The following ATL3 variants were observed in gnomAD, a reference collection of about 807,000 sequenced individuals.
The protein encoded by ATL3 is atlastin-3.
A neutral mutation model predicts 69.5 loss-of-function variants in ATL3; 49 were observed. The observed-to-expected ratio is 0.71, with a 90% CI of 0.56 to 0.89. The LOEUF (loss-of-function observed/expected upper bound fraction) is 0.89, where lower values mean the gene tolerates loss of function less well. Ranked by LOEUF, ATL3 falls within the 40% of genes least tolerant of loss-of-function variation. ATL3 has a pLI of 0.00. For missense variants in ATL3, 606 were observed against 645.7 expected, an observed-to-expected ratio of 0.94 and a Z score of 0.67; for synonymous variants, 214 against 224.1, an observed-to-expected ratio of 0.95 and a Z score of 0.40.
chr11:63,634,040 A>C (rs1485418605), intron 10 of ATL3, among the ~76,000 whole-genome samples: 5 of 111,848 alleles, frequency 4.5e-5, no homozygotes, highest in African/African-American at 1.6e-4. Flanking sequence ...GTCTCAAACA[A>C]AAAAAAAAAA....
intron 10 of ATL3, among the ~76,000 whole-genome samples, chr11:63,634,881 G>C (rs1414123108): frequency 6.6e-6 from 1 of 152,018 alleles, no homozygotes; most frequent in Non-Finnish European, 1.5e-5. Context: ...AAAAATTATA[G>C]CCAGGCATGG....
chr11:63,659,122 A>T lies in ATL3; in HGVS notation c.177T>A (p.Asp59Glu). The T allele has an allele frequency of 6.2e-7, 1 of 1,614,078 alleles. No homozygotes were observed. Among genetic ancestry groups the T allele is most frequent in the Non-Finnish European group, 8.5e-7 (1 of 1,180,028 alleles). ...ILLQDHIRDL[D>E]VVVVSVAGAF... ...CACCAGCCACTGAAACCACCACCAC[A>T]TCAAGATCTCGGATGTGGTCCTGCA... is the stretch of plus-strand genomic sequence containing the variant. The change falls in exon 2 of 13, where the codon GAT (aspartate) becomes GAA (glutamate). Residue 59 changes from aspartate (D) to glutamate (E), a missense_variant. Coordinates refer to ENST00000398868, the MANE Select transcript of ATL3 (RefSeq NM_015459.5).
rs762166626 is a variant in ATL3 at position 63,628,187 on chromosome 11, CTT to C, written c.*1130_*1131del. ...CTGACCAAGGCACAAGTTCAAGTGA[CTT>C]ATCAGAGGTCACATGGTTCATTTAA... On this transcript the variant is annotated 3_prime_UTR_variant, in exon 13 of 13. Transcript: ENST00000398868. The C allele has an allele frequency of 3.3e-4, 50 of 152,282 alleles. No individual in the cohort carries two copies. The highest frequency in any genetic ancestry group is 1.7e-3 in the East Asian group (9 of 5,188). The allele number at this position is 152,282 out of a possible 1,614,324, so 9.4% of individuals were successfully genotyped here.
At chr11:63,633,952 T>C (rs916917229) in intron 10 of ATL3, among the ~76,000 whole-genome samples, 4 of 147,278 alleles carry the variant, frequency 2.7e-5, no homozygotes, top group African/African-American at 1.0e-4. Context: ...GGAGAACTAC[T>C]TGAACCCAGG....
intron 8 of ATL3, chr11:63,637,870 C>A (rs1288735579): frequency 2.0e-5 from 3 of 152,106 alleles, no homozygotes; most frequent in Admixed American, 1.3e-4. Context: ...TAAAAGTATA[C>A]ATAACAGGCC....
chr11:63,671,660 C>T (rs1940792531), upstream of ATL3: 1 of 1,386,938 alleles, frequency 7.2e-7, no homozygotes, highest in Non-Finnish European at 9.5e-7. Context: ...CTGAGTGCTA[C>T]CGTCCTTTGG....
chr11:63,648,327 C>T (rs1052620816), intron 5 of ATL3, among the ~76,000 whole-genome samples: 1 of 152,160 alleles, frequency 6.6e-6, no homozygotes, highest in Non-Finnish European at 1.5e-5. Flanking sequence ...AAACTAACAA[C>T]CCAAGAATAA....
intron 8 of ATL3, among the ~76,000 whole-genome samples, chr11:63,641,669 C>T (rs896609601): frequency 6.6e-6 from 1 of 152,130 alleles, no homozygotes; most frequent in African/African-American, 2.4e-5. Flanking sequence ...GGACTTCTGG[C>T]TCCCTGACTT....
At position 63,627,944 on chromosome 11, in the gene ATL3, T is replaced by G. The variant is rs1277548481; in HGVS notation, c.*1375A>C. 6.6e-6 allele frequency: 1 copy of G among 152,222 alleles called. No individual in the cohort carries two copies. Among genetic ancestry groups the G allele is most frequent in the Non-Finnish European group, 1.5e-5 (1 of 68,030 alleles). 9.4% of individuals were successfully genotyped at this position (152,222 alleles called of 1,614,324 possible). On this transcript the variant is annotated 3_prime_UTR_variant, in exon 13 of 13. Coordinates refer to ENST00000398868, the MANE Select transcript of ATL3 (RefSeq NM_015459.5). ...TAAGAACATTAGACACGGCAGAGAA[T>G]GCAAATTAACATTCTGAATAAAGAC...
Position 63,629,200 on chromosome 11 carries a change from A to C in ATL3, c.*119T>G, listed in dbSNP as rs752914859. 8 of 734,290 alleles carry C rather than the reference A, an allele frequency of 1.1e-5. No individual in the cohort carries two copies. Among genetic ancestry groups the C allele is most frequent in the South Asian group, 8.2e-5 (5 of 60,758 alleles). 45.5% of individuals were successfully genotyped at this position (734,290 alleles called of 1,614,324 possible). A position where few individuals can be genotyped will look rare whatever the true frequency, so the allele number is the denominator to read the frequency against. On this transcript the variant is annotated 3_prime_UTR_variant, in exon 13 of 13. Coordinates refer to ENST00000398868, the MANE Select transcript of ATL3 (RefSeq NM_015459.5). ...CTCATTTATTACAGGGCCATGTTTT[A>C]GCTCTTCCTGGATCGTCTCAGATCT...
upstream of ATL3, chr11:63,671,533 G>A (rs1274982695): frequency 1.4e-6 from 2 of 1,428,652 alleles, no homozygotes; most frequent in South Asian, 1.5e-5. Flanking sequence ...AGCCCGAGGC[G>A]TGGCGAGCGC....
chr11:63,659,231 T>G lies in ATL3; in HGVS notation c.68A>C (p.Lys23Thr), dbSNP rs1940351491. ...CAAAACAACCTGCACTGGACCAGGC[T>G]TGCTGCTCTCCATGGCATCATCTAT... ...RGADDAMESS[K>T]PGPVQVVLVQ... Residue 23 changes from lysine (K) to threonine (T), a missense_variant, in exon 2 of 13, where the codon AAG becomes ACG. Coordinates refer to ENST00000398868, the MANE Select transcript of ATL3 (RefSeq NM_015459.5). The G allele has an allele frequency of 6.2e-7, 1 of 1,614,006 alleles. No individual in the cohort carries two copies. The highest frequency in any genetic ancestry group is 8.5e-7 in the Non-Finnish European group (1 of 1,180,018).
intron 8 of ATL3, 41 bp from the exon 9 acceptor site, chr11:63,636,375 A>G: frequency 6.2e-7 from 1 of 1,612,750 alleles, no homozygotes; most frequent in East Asian, 2.2e-5. Context: ...TAAGCCAAAC[A>G]GCCTTATTCA....
At chr11:63,670,459 T>C (rs145521361) in intron 1 of ATL3, 1 of 152,376 alleles carries the variant, frequency 6.6e-6, no homozygotes, top group East Asian at 1.9e-4. Context: ...TCTTTTCCTT[T>C]TTGCTCTTCG....
chr11:63,649,002 TC>T (rs1208458692), intron 5 of ATL3, among the ~76,000 whole-genome samples: 1 of 151,704 alleles, frequency 6.6e-6, no homozygotes, highest in Non-Finnish European at 1.5e-5. Flanking sequence ...GCACCTGCAG[TC>T]CCAGCTACTC....
chr11:63,646,382 C>A, intron 6 of ATL3, 125 bp downstream of exon 6: 2 of 546,070 alleles, frequency 3.7e-6, no homozygotes, highest in Non-Finnish European at 3.3e-6. Flanking sequence ...AATGTAAAAA[C>A]CATTCTTAGC....
Position 63,629,140 on chromosome 11 carries a change from T to C in ATL3, c.*179A>G. The C allele has an allele frequency of 1.7e-6, 1 of 572,682 alleles. No individual in the cohort carries two copies. The highest frequency in any genetic ancestry group is 2.6e-5 in the South Asian group (1 of 38,216). The allele number at this position is 572,682 out of a possible 1,614,324, so 35.5% of individuals were successfully genotyped here. ...GAAATGCTTCCAAGAGAAATGGAAG[T>C]GTGTTTAATAATTTGAAACCACAGG... On this transcript the variant is annotated 3_prime_UTR_variant, in exon 13 of 13. Coordinates refer to ENST00000398868, the MANE Select transcript of ATL3 (RefSeq NM_015459.5).
chr11:63,645,005 CAGG>C (rs1384684224), intron 6 of ATL3, among the ~76,000 whole-genome samples: 1 of 152,060 alleles, frequency 6.6e-6, no homozygotes, highest in African/African-American at 2.4e-5. Context: ...CACTTGAACC[CAGG>C]AGGAGGAGGT....
At chr11:63,635,439 A>G in intron 10 of ATL3, 95 bp downstream of exon 10, 1 of 1,110,030 alleles carries the variant, frequency 9.0e-7, no homozygotes, top group South Asian at 1.4e-5. Context: ...AAAAGGAGAA[A>G]AAGTGCATTC....
Sources: allele counts gnomAD v4.1 joint callset (sites outside exome capture counted in the v4.1 genomes callset), GRCh38; gene constraint gnomAD v4.1.1; transcripts MANE v1.5; gene names NCBI Gene and HGNC (gene_info 2026-07-23, HGNC 2026-07-21).